CALD1: variants seen among roughly 807,000 people sequenced by gnomAD.
The protein encoded by CALD1 is caldesmon.
CALD1 carries 33 observed loss-of-function variants against 99.9 expected under a neutral mutation model. That is an observed-to-expected ratio of 0.33 (90% CI 0.25 to 0.44). The LOEUF (loss-of-function observed/expected upper bound fraction) is 0.44, where lower values mean the gene tolerates loss of function less well. CALD1 is among the 20% of genes least tolerant of loss of function. The pLI is 1.00. For synonymous variants in CALD1, 310 were observed against 325.0 expected (o/e 0.95, Z 0.50); for missense variants, 861 against 962.1 (o/e 0.89, Z 1.39).
At chr7:134,937,895 C>A (rs998967326) in intron 6 of CALD1, among the ~76,000 whole-genome samples, 1 of 152,206 alleles carries the variant, frequency 6.6e-6, no homozygotes, top group Non-Finnish European at 1.5e-5. Context: ...CTCTCCTCTC[C>A]AATCATAAAA....
At chr7:134,766,141 C>CTTTTTTTTTTTT (rs71172475) in intron 1 of CALD1, among the ~76,000 whole-genome samples, 57 of 70,804 alleles carry the variant, frequency 8.1e-4, no homozygotes, top group Non-Finnish European at 9.0e-4. Context: ...CTTTTCTTTT[C>CTTTTTTTTTTTT]TTTTTTTTTT....
At chr7:134,820,514 T>C (rs1430560482) in intron 1 of CALD1, among the ~76,000 whole-genome samples, 1 of 152,214 alleles carries the variant, frequency 6.6e-6, no homozygotes, top group Non-Finnish European at 1.5e-5. Context: ...TTATAAGATA[T>C]ACAAAATATT....
intron 4 of CALD1, 117 bp from the exon 5 acceptor site, chr7:134,932,871 A>G: frequency 3.1e-6 from 2 of 653,686 alleles, no homozygotes; most frequent in East Asian, 2.7e-5. Context: ...TACTGGGGAT[A>G]TGGGCAAGCT....
upstream of CALD1, among the ~76,000 whole-genome samples, chr7:134,742,746 G>A (rs534036583): frequency 7.9e-5 from 12 of 152,344 alleles, no homozygotes; most frequent in Middle Eastern, 3.4e-3. Flanking sequence ...GACTGTCCAA[G>A]TGCCTTCCCT....
chr7:134,810,615 G>A (rs1368186442), intron 1 of CALD1, among the ~76,000 whole-genome samples: 1 of 152,200 alleles, frequency 6.6e-6, no homozygotes, highest in East Asian at 1.9e-4. Context: ...TTTCTCCCAT[G>A]ATAGCTGAAG....
At position 134,839,531 on chromosome 7, in the gene CALD1, T is replaced by G. The variant is rs147370112; in HGVS notation, c.-129-4353T>G. On this transcript the variant is annotated intron_variant, in intron 1 of 14. Transcript: ENST00000361675. ...TTGCCAATTTATATTCCCATAGCAG[T>G]GCATGAGCATTTCAGTTGCTCACCA... Among the ~76,000 whole-genome samples the G allele has an allele frequency of 1.0e-3, 159 of 152,356 alleles. 1 individual carries two copies. Among genetic ancestry groups the G allele is most frequent in the Non-Finnish European group, 1.8e-3 (124 of 68,036 alleles).
the CALD1 span, among the ~76,000 whole-genome samples, chr7:134,716,843 C>G: frequency 6.6e-6 from 1 of 152,158 alleles, no homozygotes; most frequent in Non-Finnish European, 1.5e-5. Flanking sequence ...CTAGAATTTA[C>G]CTTTTTCACA....
chr7:134,911,436 G>A (rs116203505), intron 3 of CALD1, among the ~76,000 whole-genome samples: 36 of 152,108 alleles, frequency 2.4e-4, no homozygotes, highest in African/African-American at 6.7e-4. Context: ...ACCTTCTCCC[G>A]CCTCTGTTAC....
Position 134,890,744 on chromosome 7 carries a change from G to A in CALD1, c.71+22940G>A, listed in dbSNP as rs568523369. Among the ~76,000 whole-genome samples, 5 of 152,290 alleles carry A rather than the reference G, an allele frequency of 3.3e-5. 1 individual carries two copies. The South Asian group carries it at 1.0e-3, about 32-fold the overall frequency. On this transcript the variant is annotated intron_variant, in intron 3 of 14. Coordinates refer to ENST00000361675, the MANE Select transcript of CALD1 (RefSeq NM_033138.4). ...TTCCATTGCCCAGCTTGGCTGATGA[G>A]ATCACTGGCAGAGTACCATGGGTGC...
chr7:134,958,033 A>G, intron 9 of CALD1, 36 bp from the exon 10 acceptor site: 1 of 1,485,092 alleles, frequency 6.7e-7, no homozygotes, highest in African/African-American at 1.4e-5. Context: ...TAAGCTTGAA[A>G]TATTAATTGG....
chr7:134,827,546 G>C (rs1279863981), intron 1 of CALD1, among the ~76,000 whole-genome samples: 1 of 152,194 alleles, frequency 6.6e-6, no homozygotes, highest in Non-Finnish European at 1.5e-5. Context: ...CAGTAAGAAA[G>C]TGGCACAATC....
intron 1 of CALD1, among the ~76,000 whole-genome samples, chr7:134,765,924 T>C (rs1188702132): frequency 6.6e-6 from 1 of 152,142 alleles, no homozygotes; most frequent in Admixed American, 6.5e-5. Context: ...TCTCACAATA[T>C]CTGGCTGTTT....
At position 134,960,123 on chromosome 7, in the gene CALD1, A is replaced by C. The variant is rs748727251; in HGVS notation, c.2199+12A>C. 33 of 1,613,792 alleles carry C rather than the reference A, an allele frequency of 2.0e-5. No homozygotes were observed. The Admixed American group carries it at 5.5e-4, about 27-fold the overall frequency. ...GCACACCAAATAAGGTGAGCATCTG[A>C]TTTTTGTCTCTTAAGTGTAGAGGGG... On this transcript the variant is annotated intron_variant, in intron 12 of 14. Coordinates refer to ENST00000361675, the MANE Select transcript of CALD1 (RefSeq NM_033138.4).
intron 2 of CALD1, among the ~76,000 whole-genome samples, chr7:134,847,775 A>C (rs76904079): frequency 1.0e-3 from 155 of 152,334 alleles, no homozygotes; most frequent in African/African-American, 3.4e-3. Flanking sequence ...TGTGCTGAGA[A>C]GGGGGATACA....
chr7:134,847,146 G>C (rs146861009), intron 2 of CALD1, among the ~76,000 whole-genome samples: 1 of 152,154 alleles, frequency 6.6e-6, no homozygotes, highest in African/African-American at 2.4e-5. Flanking sequence ...CCTTGTTTTC[G>C]AATGGGAGAT....
At chr7:134,835,566 G>C (rs1257733298) in intron 1 of CALD1, among the ~76,000 whole-genome samples, 1 of 152,140 alleles carries the variant, frequency 6.6e-6, no homozygotes, top group African/African-American at 2.4e-5. Context: ...ATTATAAATA[G>C]GAACATGAAA....
At chr7:134,748,042 G>A (rs1202381880) in intron 1 of CALD1, among the ~76,000 whole-genome samples, 1 of 152,256 alleles carries the variant, frequency 6.6e-6, no homozygotes, top group East Asian at 1.9e-4. Context: ...GCAGAGGTAG[G>A]ACTGCCATCC....
intron 14 of CALD1, 122 bp downstream of exon 14, chr7:134,965,508 A>T: frequency 1.5e-6 from 1 of 667,242 alleles, no homozygotes. Flanking sequence ...CACACCCATC[A>T]GTGTCTAAAA....
intron 1 of CALD1, among the ~76,000 whole-genome samples, chr7:134,750,048 G>A (rs1400778975): frequency 6.6e-6 from 1 of 152,084 alleles, no homozygotes; most frequent in Non-Finnish European, 1.5e-5. Flanking sequence ...ATTACACCCA[G>A]ATTTCCAAGA....
Sources: gnomAD v4.1 joint callset for allele counts (sites outside exome capture counted in the v4.1 genomes callset) on GRCh38, gnomAD v4.1.1 for gene constraint, MANE v1.5 for transcripts, NCBI Gene and HGNC (gene_info 2026-07-23, HGNC 2026-07-21) for gene names.